The following ZNF407 variants were observed in gnomAD, a reference collection of about 807,000 sequenced individuals.
ZNF407 encodes the protein zinc finger protein 407.
Under a neutral mutation model 131.2 loss-of-function variants are expected in ZNF407, and 17 were observed. The ratio of observed to expected loss-of-function variants is 0.13; its 90% CI spans 0.09 to 0.19. The LOEUF (loss-of-function observed/expected upper bound fraction) is 0.19. ZNF407 is among the 10% of genes least tolerant of loss of function. The pLI is 1.00. For missense variants in ZNF407, 2,681 were observed against 2,830.6 expected (o/e 0.95, Z 1.20); for synonymous variants, 1,156 against 1,062.0 (o/e 1.09, Z -1.72).
At chr18:75,009,130 C>T (rs1972945071) in intron 8 of ZNF407, among the ~76,000 whole-genome samples, 1 of 152,128 alleles carries the variant, frequency 6.6e-6, no homozygotes, top group Non-Finnish European at 1.5e-5. Context: ...AACATTAAAA[C>T]TTCATTTACA....
intron 3 of ZNF407, among the ~76,000 whole-genome samples, chr18:74,706,012 A>G (rs1000605408): frequency 6.6e-6 from 1 of 152,178 alleles, no homozygotes; most frequent in Admixed American, 6.5e-5. Flanking sequence ...AGAGCCAAGT[A>G]TCTCATTCTA....
In ZNF407 at chr18:74,633,087, A is replaced by G; in HGVS notation, c.2068A>G (p.Arg690Gly). The G allele has an allele frequency of 6.2e-7, 1 of 1,613,896 alleles. No individual in the cohort carries two copies. The highest frequency in any genetic ancestry group is 8.5e-7 in the Non-Finnish European group (1 of 1,179,882). The change falls in exon 2 of 9, where the codon AGG (arginine) becomes GGG (glycine). Residue 690 changes from arginine to glycine, a missense_variant. By Grantham distance (125) the Arg-to-Gly change is moderately radical (BLOSUM62 -2). Coordinates refer to ENST00000299687, the MANE Select transcript of ZNF407 (RefSeq NM_017757.3). ...ATCTCAGGAAGAACCTCTGAAGTCC[A>G]GGGTAAGCCATGGTAATGAAGTGAG... ...KASQEEPLKS[R>G]VSHGNEVRHS...
At chr18:74,657,005 T>G (rs1985487915) in intron 3 of ZNF407, among the ~76,000 whole-genome samples, 1 of 152,180 alleles carries the variant, frequency 6.6e-6, no homozygotes, top group African/African-American at 2.4e-5. Flanking sequence ...ATGAACATTT[T>G]ATTTTTCTCC....
chr18:74,860,289 C>G (rs1403138809), intron 4 of ZNF407, among the ~76,000 whole-genome samples: 2 of 150,664 alleles, frequency 1.3e-5, no homozygotes. Flanking sequence ...AAAGCAAGAC[C>G]CCATCTCTTA....
At chr18:74,752,034 T>C (rs1968816837) in intron 3 of ZNF407, among the ~76,000 whole-genome samples, 1 of 152,218 alleles carries the variant, frequency 6.6e-6, no homozygotes, top group Admixed American at 6.5e-5. Flanking sequence ...CCAGCACCTG[T>C]TGTTGCCTGA....
chr18:74,707,286 C>T (rs147686950), intron 3 of ZNF407, among the ~76,000 whole-genome samples: 5 of 152,192 alleles, frequency 3.3e-5, no homozygotes, highest in African/African-American at 1.2e-4. Context: ...ACTCTGTGTA[C>T]ATGTCAAAGT....
At position 74,906,959 on chromosome 18, in the gene ZNF407, A is replaced by G. The variant is rs1374221694; in HGVS notation, c.5250-13555A>G. 3.9e-5 allele frequency among the ~76,000 whole-genome samples: 6 copies of G among 152,190 alleles called. 1 individual carries two copies. The highest frequency in any genetic ancestry group is 3.9e-4 in the Admixed American group (6 of 15,284). On this transcript the variant is annotated intron_variant, in intron 7 of 8. Coordinates refer to ENST00000299687, the MANE Select transcript of ZNF407 (RefSeq NM_017757.3). ...GTGTGCACACACACTGTATGTGTAT[A>G]TGCATATGTGTGCACACATACTTTA...
At chr18:74,837,365 C>A (rs1970572635) in intron 4 of ZNF407, among the ~76,000 whole-genome samples, 1 of 151,348 alleles carries the variant, frequency 6.6e-6, no homozygotes, top group African/African-American at 2.4e-5. Context: ...GAGTCACATA[C>A]AAATTACTTG....
At chr18:74,614,721 G>C (rs1983210680) in intron 1 of ZNF407, among the ~76,000 whole-genome samples, 1 of 152,174 alleles carries the variant, frequency 6.6e-6, no homozygotes, top group Admixed American at 6.5e-5. Context: ...TGATTAGCTA[G>C]ATTTATAAAT....
intron 4 of ZNF407, among the ~76,000 whole-genome samples, chr18:74,805,188 T>A (rs1223718057): frequency 6.6e-6 from 1 of 152,234 alleles, no homozygotes; most frequent in East Asian, 1.9e-4. Context: ...GTTTCCTTTT[T>A]CTTTTTACTT....
intron 8 of ZNF407, among the ~76,000 whole-genome samples, chr18:75,046,593 C>A (rs143476081): frequency 1.3e-5 from 2 of 152,110 alleles, no homozygotes; most frequent in South Asian, 4.1e-4. Flanking sequence ...CCAGCTGAAT[C>A]GTGACCACCC....
At chr18:75,038,211 G>C (rs568279464) in intron 8 of ZNF407, among the ~76,000 whole-genome samples, 3 of 152,236 alleles carry the variant, frequency 2.0e-5, no homozygotes, top group African/African-American at 7.2e-5. Flanking sequence ...TGGCATTACC[G>C]ATTACAAAAT....
At chr18:74,677,819 A>C (rs1402207988) in intron 3 of ZNF407, among the ~76,000 whole-genome samples, 1 of 151,414 alleles carries the variant, frequency 6.6e-6, no homozygotes, top group African/African-American at 2.4e-5. Context: ...CTCTCATTTT[A>C]TGCTGGCCAT....
At chr18:74,786,745 C>CT (rs1969721229) in intron 4 of ZNF407, among the ~76,000 whole-genome samples, 1 of 141,016 alleles carries the variant, frequency 7.1e-6, no homozygotes, top group Admixed American at 7.3e-5. Context: ...TAAATAGTAT[C>CT]TATGATCATA....
intron 3 of ZNF407, among the ~76,000 whole-genome samples, chr18:74,702,548 T>C (rs756734919): frequency 6.6e-6 from 1 of 152,110 alleles, no homozygotes; most frequent in Non-Finnish European, 1.5e-5. Flanking sequence ...CTGTAAGGCA[T>C]GTGGATATTT....
intron 4 of ZNF407, among the ~76,000 whole-genome samples, chr18:74,860,745 A>G (rs1034026376): frequency 2.6e-5 from 4 of 152,074 alleles, no homozygotes; most frequent in Non-Finnish European, 5.9e-5. Context: ...TGACTTTTTC[A>G]GCATTCTTTC....
At chr18:74,935,389 G>A (rs1972028571) in intron 8 of ZNF407, among the ~76,000 whole-genome samples, 1 of 152,100 alleles carries the variant, frequency 6.6e-6, no homozygotes, top group African/African-American at 2.4e-5. Flanking sequence ...CTGAAATGTG[G>A]TACTTCTTGG....
intron 8 of ZNF407, among the ~76,000 whole-genome samples, chr18:75,022,981 C>T (rs531129539): frequency 4.2e-4 from 64 of 152,224 alleles, no homozygotes; most frequent in Non-Finnish European, 2.5e-4. Context: ...GCACGTACAC[C>T]GTGGAATACT....
At chr18:74,996,619 G>C (rs1972783651) in intron 8 of ZNF407, among the ~76,000 whole-genome samples, 1 of 152,154 alleles carries the variant, frequency 6.6e-6, no homozygotes, top group Non-Finnish European at 1.5e-5. Context: ...TGTAGAATTA[G>C]GTTACAACTT....
Sources: allele counts gnomAD v4.1 joint callset (sites outside exome capture counted in the v4.1 genomes callset), GRCh38; gene constraint gnomAD v4.1.1; transcripts MANE v1.5; gene names NCBI Gene and HGNC (gene_info 2026-07-23, HGNC 2026-07-21).